SND1: variants seen among roughly 807,000 people sequenced by gnomAD.
The protein encoded by SND1 is staphylococcal nuclease and tudor domain containing 1.
SND1 carries 38 observed loss-of-function variants against 121.7 expected under a neutral mutation model. That is an observed-to-expected ratio of 0.31 (90% confidence interval 0.24 to 0.41). The LOEUF is 0.41. Among genes scored for constraint, SND1 ranks in the 10% least tolerant of loss-of-function variants. The pLI is 1.00. For missense variants in SND1, 868 were observed against 1,184.6 expected, an observed-to-expected ratio of 0.73 and a Z score of 3.92; for synonymous variants, 401 against 447.4, an observed-to-expected ratio of 0.90 and a Z score of 1.31.
intron 16 of SND1, among the ~76,000 whole-genome samples, chr7:128,025,505 A>G (rs1584744426): frequency 6.6e-6 from 1 of 152,332 alleles, no homozygotes; most frequent in South Asian, 2.1e-4. Context: ...CTTTACATCC[A>G]ACGTGTTGCT....
At chr7:128,031,428 G>A (rs1377069968) in intron 16 of SND1, 1 of 151,762 alleles carries the variant, frequency 6.6e-6, no homozygotes, top group African/African-American at 2.4e-5. Context: ...GGCGGCAGCT[G>A]ATTGCGGTCG....
At chr7:127,913,328 G>A (rs575758192) in intron 14 of SND1, among the ~76,000 whole-genome samples, 1 of 152,250 alleles carries the variant, frequency 6.6e-6, no homozygotes, top group African/African-American at 2.4e-5. Context: ...AAACAGGAGT[G>A]CATGCAAATG....
intron 15 of SND1, among the ~76,000 whole-genome samples, chr7:127,960,605 G>A (rs116905258): frequency 0.017 from 2,649 of 152,286 alleles, 51 homozygotes; most frequent in Middle Eastern, 0.034. Flanking sequence ...GTTATATGAG[G>A]TTCTCCATTC....
intron 16 of SND1, among the ~76,000 whole-genome samples, chr7:128,014,285 G>T (rs1177422891): frequency 6.6e-6 from 1 of 152,172 alleles, no homozygotes; most frequent in Non-Finnish European, 1.5e-5. Context: ...TCTAGAGGCT[G>T]TCATCCTGGG....
At chr7:127,882,434 G>A (rs1373594571) in intron 12 of SND1, among the ~76,000 whole-genome samples, 67 of 120,032 alleles carry the variant, frequency 5.6e-4, no homozygotes, top group Non-Finnish European at 6.5e-4. Context: ...AGGAGGGGAG[G>A]GGAGGGGAGG....
chr7:127,841,534 G>A (rs1299689183), intron 11 of SND1, among the ~76,000 whole-genome samples: 1 of 152,058 alleles, frequency 6.6e-6, no homozygotes, highest in Non-Finnish European at 1.5e-5. Context: ...CATGACTCCA[G>A]CTATCTTGTT....
intron 11 of SND1, among the ~76,000 whole-genome samples, chr7:127,815,424 A>C (rs1462735736): frequency 2.0e-5 from 3 of 152,022 alleles, no homozygotes; most frequent in African/African-American, 7.3e-5. Flanking sequence ...TAGGAGTTGG[A>C]GGCCGCAGTG....
intron 16 of SND1, among the ~76,000 whole-genome samples, chr7:128,054,336 T>A (rs1793100293): frequency 6.6e-6 from 1 of 152,028 alleles, no homozygotes; most frequent in South Asian, 2.1e-4. Flanking sequence ...GGAACAGAGG[T>A]TGGTGTTCTT....
intron 15 of SND1, among the ~76,000 whole-genome samples, chr7:127,944,291 G>T (rs779727224): frequency 6.6e-6 from 1 of 152,226 alleles, no homozygotes; most frequent in Non-Finnish European, 1.5e-5. Flanking sequence ...AAGCAGCAAA[G>T]CCGCCCACCA....
At chr7:128,004,798 G>A (rs182236240) in intron 16 of SND1, among the ~76,000 whole-genome samples, 3 of 152,290 alleles carry the variant, frequency 2.0e-5, no homozygotes, top group Admixed American at 6.5e-5. Flanking sequence ...TTTACATAGA[G>A]TTTGCAATCT....
intron 14 of SND1, among the ~76,000 whole-genome samples, chr7:127,917,552 C>A (rs1327267397): frequency 6.6e-6 from 1 of 152,108 alleles, no homozygotes; most frequent in Non-Finnish European, 1.5e-5. Flanking sequence ...AGGCACACTA[C>A]CACACCTGGC....
chr7:127,692,181 A>G (rs1044751223), intron 2 of SND1, among the ~76,000 whole-genome samples: 1 of 152,146 alleles, frequency 6.6e-6, no homozygotes, highest in Non-Finnish European at 1.5e-5. Context: ...TTGTCCTGGT[A>G]GTTTTAAGAG....
At chr7:127,992,677 CT>C (rs1802548102) in intron 16 of SND1, among the ~76,000 whole-genome samples, 2 of 152,184 alleles carry the variant, frequency 1.3e-5, no homozygotes, top group Non-Finnish European at 2.9e-5. Flanking sequence ...TTCACATCTC[CT>C]AAAGTTTCTT....
intron 8 of SND1, among the ~76,000 whole-genome samples, chr7:127,706,860 C>G (rs908320209): frequency 6.6e-6 from 1 of 152,300 alleles, no homozygotes; most frequent in Non-Finnish European, 1.5e-5. Flanking sequence ...TTCTCTAAAA[C>G]AAAAGATTGC....
At chr7:127,984,134 T>C (rs1299765973) in intron 15 of SND1, among the ~76,000 whole-genome samples, 1 of 152,242 alleles carries the variant, frequency 6.6e-6, no homozygotes, top group African/African-American at 2.4e-5. Flanking sequence ...TCCAGTTTTC[T>C]GCATTTCCAT....
chr7:127,947,575 G>GCTGGCGCTCAAGGC (rs11424087), intron 15 of SND1, among the ~76,000 whole-genome samples: 1 of 152,250 alleles, frequency 6.6e-6, no homozygotes, highest in Admixed American at 6.5e-5. Context: ...GGCCCTCAAG[G>GCTGGCGCTCAAGGC]TGGCGCTTCC....
intron 1 of SND1, among the ~76,000 whole-genome samples, chr7:127,656,681 G>T (rs975777616): frequency 6.6e-6 from 1 of 152,178 alleles, no homozygotes; most frequent in African/African-American, 2.4e-5. Flanking sequence ...TCGTTCTTAC[G>T]TGTACTTCGC....
chr7:127,991,188 G>A, intron 16 of SND1, 132 bp downstream of exon 16: 1 of 647,946 alleles, frequency 1.5e-6, no homozygotes, highest in South Asian at 1.9e-5. Flanking sequence ...CCATTCTTGT[G>A]TCTGCCCACA....
At chr7:127,757,695 C>T (rs1797222122) in intron 10 of SND1, among the ~76,000 whole-genome samples, 1 of 152,068 alleles carries the variant, frequency 6.6e-6, no homozygotes, top group Non-Finnish European at 1.5e-5. Context: ...TTGTTCAGGT[C>T]TTATAAAGAT....
Sources: allele counts gnomAD v4.1 joint callset (sites outside exome capture counted in the v4.1 genomes callset), GRCh38; gene constraint gnomAD v4.1.1; transcripts MANE v1.5; gene names NCBI Gene and HGNC (gene_info 2026-07-23, HGNC 2026-07-21).